Variants in CSGALNACT1 observed in about 807,000 individuals in gnomAD.
CSGALNACT1 encodes beta4GalNAcT-1.
Under a neutral mutation model 51.0 loss-of-function variants are expected in CSGALNACT1, and 52 were observed. The ratio of observed to expected loss-of-function variants is 1.02; its 90% confidence interval spans 0.82 to 1.29. The LOEUF (loss-of-function observed/expected upper bound fraction) is 1.29, where lower values mean the gene tolerates loss of function less well. CSGALNACT1 is among the 50% of genes most tolerant of loss of function. The pLI is 0.00. For synonymous variants in CSGALNACT1, 341 were observed against 254.4 expected, an observed-to-expected ratio of 1.34 and a Z score of -3.24; for missense variants, 935 against 679.2, an observed-to-expected ratio of 1.38 and a Z score of -4.19.
At chr8:19,455,769 T>C (rs964953286) in intron 5 of CSGALNACT1, among the ~76,000 whole-genome samples, 3 of 152,242 alleles carry the variant, frequency 2.0e-5, no homozygotes, top group Non-Finnish European at 4.4e-5. Context: ...ATTCTCTTTG[T>C]GTCCCATTGT....
At chr8:19,446,237 GT>G (rs2062092115) in intron 5 of CSGALNACT1, among the ~76,000 whole-genome samples, 1 of 152,126 alleles carries the variant, frequency 6.6e-6, no homozygotes, top group Non-Finnish European at 1.5e-5. Context: ...TATTCGTTAC[GT>G]ATTCAAACTC....
rs142347240 is a variant in CSGALNACT1, at chr8:19,505,220, C to T, written c.615G>A (p.Thr205=). The T allele has an allele frequency of 2.1e-4, 338 of 1,614,120 alleles. 1 individual carries two copies. The African/African-American group carries it at 3.3e-3, about 16-fold the overall frequency. ...GCTAACCTTCTATGAAATCAGAGGC[C>T]GTGTAAGGACGGTGATTGGGGCTGT... The change falls in exon 4 of 10, where the codon ACG becomes ACA. Residue 205 remains threonine, a synonymous_variant. Transcript: ENST00000454498.
intron 1 of CSGALNACT1, among the ~76,000 whole-genome samples, chr8:19,716,612 C>CA (rs60464594): frequency 0.28 from 11,898 of 41,778 alleles, 3,682 homozygotes; most frequent in Middle Eastern, 0.4. Flanking sequence ...ACCCTCTCTA[C>CA]AAAAAAAAAA....
At chr8:19,489,758 G>A (rs1399304316) in intron 4 of CSGALNACT1, among the ~76,000 whole-genome samples, 1 of 152,058 alleles carries the variant, frequency 6.6e-6, no homozygotes, top group East Asian at 1.9e-4. Flanking sequence ...TCTTTCCTTA[G>A]CCCTGTTAAA....
chr8:19,682,567 G>C (rs1020728284), exon 1 of CSGALNACT1: 4 of 450,358 alleles, frequency 8.9e-6, no homozygotes, highest in African/African-American at 6.0e-5. Context: ...CTACTCCCAG[G>C]GTTTCCACCT....
intron 3 of CSGALNACT1, among the ~76,000 whole-genome samples, chr8:19,568,081 T>C (rs2042254607): frequency 6.6e-6 from 1 of 152,158 alleles, no homozygotes; most frequent in Admixed American, 6.5e-5. Flanking sequence ...CATTCAAACA[T>C]TGGTTTTTGC....
At chr8:19,404,198 C>T (rs1279264169) in exon 10 of CSGALNACT1, 2 of 379,368 alleles carry the variant, frequency 5.3e-6, no homozygotes, top group African/African-American at 2.1e-5. Flanking sequence ...CTGTGCAATA[C>T]CACCTTCCAT....
At chr8:19,586,166 T>C (rs1292427217) in intron 3 of CSGALNACT1, among the ~76,000 whole-genome samples, 1 of 152,038 alleles carries the variant, frequency 6.6e-6, no homozygotes, top group Non-Finnish European at 1.5e-5. Context: ...AGTTCGAGAC[T>C]AGCCTGGCCA....
At chr8:19,590,604 T>A (rs148900341) in intron 3 of CSGALNACT1, among the ~76,000 whole-genome samples, 6 of 148,960 alleles carry the variant, frequency 4.0e-5, no homozygotes, top group African/African-American at 1.5e-4. Context: ...TCTAAGTCAA[T>A]AGGACATAAA....
chr8:19,536,013 G>T (rs1032783699), intron 3 of CSGALNACT1, among the ~76,000 whole-genome samples: 1 of 152,068 alleles, frequency 6.6e-6, no homozygotes, highest in African/African-American at 2.4e-5. Flanking sequence ...ATACAGATTA[G>T]AAAGGAAGAA....
At position 19,415,785 on chromosome 8, in the gene CSGALNACT1, A is replaced by C. The variant is rs901613594; in HGVS notation, c.1227+2871T>G. The stretch of plus-strand genomic sequence containing the variant: ...ACTTTAACTTTGATTGGCAGAAAGA[A>C]AATAAATCCTATATCCTGTTTCCCT... On this transcript the variant is annotated intron_variant, in intron 8 of 9. Coordinates refer to ENST00000454498, the Ensembl canonical transcript of CSGALNACT1. Among the ~76,000 whole-genome samples the C allele has an allele frequency of 6.4e-4, 98 of 152,358 alleles. 2 individuals carry two copies. Among genetic ancestry groups the C allele is most frequent in the African/African-American group, 2.2e-3 (93 of 41,584 alleles).
At chr8:19,518,403 A>G (rs953069734) in intron 3 of CSGALNACT1, among the ~76,000 whole-genome samples, 2 of 152,278 alleles carry the variant, frequency 1.3e-5, no homozygotes, top group Admixed American at 6.5e-5. Flanking sequence ...GGACCAGACA[A>G]AATGGCACCA....
At chr8:19,616,508 C>A (rs1049794682) in intron 1 of CSGALNACT1, among the ~76,000 whole-genome samples, 1 of 152,156 alleles carries the variant, frequency 6.6e-6, no homozygotes, top group Non-Finnish European at 1.5e-5. Flanking sequence ...ATAGTTTAGA[C>A]ATTTGCGCCC....
chr8:19,620,774 T>C (rs2053718184), intron 1 of CSGALNACT1, among the ~76,000 whole-genome samples: 1 of 152,160 alleles, frequency 6.6e-6, no homozygotes, highest in African/African-American at 2.4e-5. Context: ...ATTTTTAAGA[T>C]ATCCTCAGTT....
At chr8:19,754,526 G>C (rs757477023) in intron 1 of CSGALNACT1, among the ~76,000 whole-genome samples, 9 of 152,080 alleles carry the variant, frequency 5.9e-5, no homozygotes, top group Non-Finnish European at 8.8e-5. Context: ...TATTTTCAAA[G>C]TTTAAAAAAG....
intron 2 of CSGALNACT1, among the ~76,000 whole-genome samples, chr8:19,593,027 G>C (rs868398913): frequency 1.4e-4 from 22 of 152,162 alleles, no homozygotes; most frequent in African/African-American, 4.8e-4. Flanking sequence ...TTAAGTCAAA[G>C]AACATCTGTA....
At chr8:19,644,046 T>C (rs1050609406) in intron 1 of CSGALNACT1, among the ~76,000 whole-genome samples, 2 of 152,190 alleles carry the variant, frequency 1.3e-5, no homozygotes, top group Non-Finnish European at 2.9e-5. Context: ...ATGCCTAACA[T>C]TGGAGAATGC....
intron 3 of CSGALNACT1, among the ~76,000 whole-genome samples, chr8:19,536,242 T>G (rs1339331572): frequency 1.3e-5 from 2 of 152,162 alleles, no homozygotes; most frequent in Non-Finnish European, 2.9e-5. Context: ...GTTGGGAATG[T>G]TGTTAACAGG....
chr8:19,431,667 G>T (rs888086672), intron 6 of CSGALNACT1, among the ~76,000 whole-genome samples: 2 of 152,014 alleles, frequency 1.3e-5, no homozygotes, highest in African/African-American at 4.8e-5. Context: ...TCAGGGTAAT[G>T]CTGGCTTCAA....
Sources: gnomAD v4.1 joint callset for allele counts (sites outside exome capture counted in the v4.1 genomes callset) on GRCh38, gnomAD v4.1.1 for gene constraint, MANE v1.5 for transcripts, NCBI Gene and HGNC (gene_info 2026-07-23, HGNC 2026-07-21) for gene names.